The following LCLAT1 variants were observed in gnomAD, a reference collection of about 807,000 sequenced individuals.
The protein encoded by LCLAT1 is 1-AGP acyltransferase 8.
LCLAT1 carries 11 observed loss-of-function variants against 30.7 expected under a neutral mutation model. The ratio of observed to expected loss-of-function variants is 0.36; its 90% confidence interval spans 0.23 to 0.59. LCLAT1 has a LOEUF of 0.59. LCLAT1 is among the 20% of genes least tolerant of loss of function. LCLAT1 has a pLI of 0.77. For missense variants in LCLAT1, 402 were observed against 458.6 expected, an observed-to-expected ratio of 0.88 and a Z score of 1.13; for synonymous variants, 155 against 151.3, an observed-to-expected ratio of 1.02 and a Z score of -0.18.
intron 4 of LCLAT1, among the ~76,000 whole-genome samples, 198 bp from the exon 5 acceptor site, chr2:30,567,862 G>T (rs191949700): frequency 6.6e-6 from 1 of 152,118 alleles, no homozygotes; most frequent in African/African-American, 2.4e-5. Context: ...AGCCAAACCT[G>T]GGTCTGGTTA....
intron 3 of LCLAT1, among the ~76,000 whole-genome samples, chr2:30,543,158 G>A (rs1664233778): frequency 6.6e-6 from 1 of 152,038 alleles, no homozygotes; most frequent in South Asian, 2.1e-4. Flanking sequence ...CTGATTTGCT[G>A]TGACTTTTAT....
chr2:30,448,777 G>T (rs1030401477), intron 1 of LCLAT1, among the ~76,000 whole-genome samples: 1 of 152,178 alleles, frequency 6.6e-6, no homozygotes, highest in Admixed American at 6.5e-5. Context: ...TTGAGGTTAT[G>T]GGTGGATTCT....
chr2:30,563,898 C>T (rs1665354484), intron 4 of LCLAT1, among the ~76,000 whole-genome samples: 2 of 152,158 alleles, frequency 1.3e-5, no homozygotes, highest in Admixed American at 6.5e-5. Context: ...ATCTTTGACA[C>T]ATCTATTGCA....
chr2:30,575,035 C>T (rs1665934938), intron 5 of LCLAT1, among the ~76,000 whole-genome samples: 1 of 152,144 alleles, frequency 6.6e-6, no homozygotes, highest in South Asian at 2.1e-4. Context: ...ATTGCTGTGA[C>T]TTCATGCCCT....
chr2:30,563,946 A>G (rs935758393), intron 4 of LCLAT1, among the ~76,000 whole-genome samples: 3 of 152,182 alleles, frequency 2.0e-5, no homozygotes, highest in Non-Finnish European at 4.4e-5. Context: ...CACTTTTTTT[A>G]TACTAGTCAG....
Position 30,641,476 on chromosome 2 carries a change from C to T in LCLAT1, c.*857C>T, listed in dbSNP as rs1485772831. The T allele has an allele frequency of 6.6e-6, 1 of 152,162 alleles. No homozygotes were observed. The highest frequency in any genetic ancestry group is 1.5e-5 in the Non-Finnish European group (1 of 68,038). 9.4% of individuals were successfully genotyped at this position (152,162 alleles called of 1,614,324 possible). Reference sequence around the variant, plus strand: ...GGAACACTCAGAACATTCTGTCATTCCAGTCAGAAACTGTCTTTTGAAATA... The same window carrying T: ...GGAACACTCAGAACATTCTGTCATTTCAGTCAGAAACTGTCTTTTGAAATA... On this transcript the variant is annotated 3_prime_UTR_variant, in exon 6 of 6. Coordinates refer to ENST00000379509, the MANE Select transcript of LCLAT1 (RefSeq NM_001002257.3).
At chr2:30,598,419 T>TC (rs1185034879) in intron 5 of LCLAT1, among the ~76,000 whole-genome samples, 4 of 151,680 alleles carry the variant, frequency 2.6e-5, no homozygotes, top group African/African-American at 9.7e-5. Context: ...ATTTTCTTTT[T>TC]TTTTTTTTTT....
chr2:30,561,347 T>C (rs1206946140), intron 3 of LCLAT1, among the ~76,000 whole-genome samples: 2 of 152,182 alleles, frequency 1.3e-5, no homozygotes, highest in Admixed American at 6.5e-5. Context: ...CTAGGTGAAA[T>C]TTCTGAGGGG....
chr2:30,483,844 G>A (rs184698967), intron 1 of LCLAT1, among the ~76,000 whole-genome samples: 39 of 152,220 alleles, frequency 2.6e-4, no homozygotes, highest in African/African-American at 9.2e-4. Context: ...ATAGTGAATG[G>A]GAACGAGTAC....
chr2:30,592,696 A>G (rs1445728337), intron 5 of LCLAT1, among the ~76,000 whole-genome samples: 2 of 152,242 alleles, frequency 1.3e-5, no homozygotes, highest in Non-Finnish European at 2.9e-5. Flanking sequence ...AAATATATTT[A>G]GTTACACATT....
intron 5 of LCLAT1, among the ~76,000 whole-genome samples, chr2:30,616,336 G>A (rs1256961777): frequency 6.6e-6 from 1 of 152,150 alleles, no homozygotes; most frequent in Non-Finnish European, 1.5e-5. Context: ...CAGATTAGAT[G>A]CCATACTGTC....
intron 1 of LCLAT1, among the ~76,000 whole-genome samples, chr2:30,477,657 A>G (rs942562871): frequency 3.9e-5 from 6 of 152,208 alleles, no homozygotes; most frequent in African/African-American, 1.2e-4. Flanking sequence ...ATATCACTTT[A>G]TCTTTCCATT....
chr2:30,449,794 C>T (rs1223273115), intron 1 of LCLAT1, among the ~76,000 whole-genome samples: 1 of 152,182 alleles, frequency 6.6e-6, no homozygotes, highest in African/African-American at 2.4e-5. Context: ...GCCACTGTGC[C>T]TGGCTAGTTA....
chr2:30,577,240 A>G (rs1417133852), intron 5 of LCLAT1, among the ~76,000 whole-genome samples: 2 of 151,966 alleles, frequency 1.3e-5, no homozygotes, highest in Non-Finnish European at 2.9e-5. Context: ...CATTTATCGT[A>G]AGTTGGCTAC....
intron 1 of LCLAT1, among the ~76,000 whole-genome samples, chr2:30,513,022 C>T (rs2148361346): frequency 6.6e-6 from 1 of 152,146 alleles, no homozygotes; most frequent in Non-Finnish European, 1.5e-5. Context: ...AAGGGTGGTA[C>T]TTAATTTACA....
At chr2:30,584,423 G>C (rs1443611326) in intron 5 of LCLAT1, among the ~76,000 whole-genome samples, 1 of 152,126 alleles carries the variant, frequency 6.6e-6, no homozygotes, top group African/African-American at 2.4e-5. Flanking sequence ...AATAAGGAAG[G>C]CTTCTTGTTG....
At chr2:30,454,654 G>C (rs1681733578) in intron 1 of LCLAT1, among the ~76,000 whole-genome samples, 1 of 147,008 alleles carries the variant, frequency 6.8e-6, no homozygotes, top group South Asian at 2.1e-4. Context: ...TTGTTGTGTT[G>C]CCTGGGCTGG....
chr2:30,476,437 A>G lies in LCLAT1; in HGVS notation c.-5+29054A>G, dbSNP rs772686031. 5.5e-5 allele frequency: 25 copies of G among 456,488 alleles called. 1 individual carries two copies. The highest frequency in any genetic ancestry group is 3.9e-4 in the South Asian group (25 of 64,556). The allele number at this position is 456,488 out of a possible 1,614,324, so 28.3% of individuals were successfully genotyped here. The stretch of plus-strand genomic sequence containing the variant: ...TCACTTGAATTATCTCCTGATTTCC[A>G]CCTCTGCTCAGATCCGCCACTGCAT... On this transcript the variant is annotated intron_variant, in intron 1 of 5. Coordinates refer to ENST00000379509, the MANE Select transcript of LCLAT1 (RefSeq NM_001002257.3).
chr2:30,514,938 T>A (rs1685113322), intron 1 of LCLAT1, among the ~76,000 whole-genome samples: 1 of 152,224 alleles, frequency 6.6e-6, no homozygotes, highest in African/African-American at 2.4e-5. Flanking sequence ...TTAGATATTT[T>A]TCCTCCACCC....
Sources: gnomAD v4.1 joint callset for allele counts (sites outside exome capture counted in the v4.1 genomes callset) on GRCh38, gnomAD v4.1.1 for gene constraint, MANE v1.5 for transcripts, NCBI Gene and HGNC (gene_info 2026-07-23, HGNC 2026-07-21) for gene names.